PTAFR: variants seen among roughly 807,000 people sequenced by gnomAD.
The protein encoded by PTAFR is platelet activating factor receptor, also known as platelet-activating factor receptor.
In PTAFR, 8 loss-of-function variants were observed where a neutral mutation model predicts 14.7. That is an observed-to-expected ratio of 0.54 (90% CI 0.32 to 0.98). PTAFR has a LOEUF of 0.98. Ranked by LOEUF, PTAFR falls within the 50% of genes least tolerant of loss-of-function variation. The probability of loss-of-function intolerance (pLI) is 0.04; values close to 1 mark genes in which losing one functional copy is unlikely to be tolerated. For synonymous variants in PTAFR, 156 were observed against 176.5 expected, an observed-to-expected ratio of 0.88 and a Z score of 0.92; for missense variants, 337 against 451.2, an observed-to-expected ratio of 0.75 and a Z score of 2.29.
upstream of PTAFR, among the ~76,000 whole-genome samples, chr1:28,180,893 A>T (rs542096245): frequency 6.6e-6 from 1 of 152,286 alleles, no homozygotes; most frequent in African/African-American, 2.4e-5. Flanking sequence ...AAGAAAAAAG[A>T]AAGGAAGAGG....
At chr1:28,154,109 G>C (rs61786978) in intron 1 of PTAFR, among the ~76,000 whole-genome samples, 1 of 147,054 alleles carries the variant, frequency 6.8e-6, no homozygotes, top group Non-Finnish European at 1.5e-5. Context: ...AAAAAAAAGG[G>C]AGTGAGACAC....
intron 1 of PTAFR, among the ~76,000 whole-genome samples, chr1:28,192,558 CAAAA>C (rs375926757): frequency 5.3e-5 from 3 of 56,334 alleles, no homozygotes; most frequent in Non-Finnish European, 8.5e-5. Context: ...AACTCCGTCT[CAAAA>C]AAAAAAAAAA....
chr1:28,182,152 A>G (rs1019328727), intron 1 of PTAFR, among the ~76,000 whole-genome samples: 1 of 152,088 alleles, frequency 6.6e-6, no homozygotes, highest in Non-Finnish European at 1.5e-5. Context: ...CCTGGCCAAC[A>G]TGGTGAAACC....
chr1:28,155,653 C>T (rs1192491406), intron 1 of PTAFR, among the ~76,000 whole-genome samples: 2 of 152,032 alleles, frequency 1.3e-5, no homozygotes, highest in Non-Finnish European at 2.9e-5. Flanking sequence ...TTGCTGGAGC[C>T]CAGGGGTTTG....
chr1:28,186,697 G>A (rs1377839864), intron 1 of PTAFR, among the ~76,000 whole-genome samples: 1 of 152,172 alleles, frequency 6.6e-6, no homozygotes, highest in Admixed American at 6.5e-5. Flanking sequence ...GGCTGAGGCA[G>A]GCGGGTCGCC....
chr1:28,152,049 A>C (rs1646195678), intron 1 of PTAFR, among the ~76,000 whole-genome samples: 1 of 151,876 alleles, frequency 6.6e-6, no homozygotes, highest in Admixed American at 6.6e-5. Context: ...TGCGTGTGAC[A>C]CCACACCTAG....
chr1:28,171,459 T>C (rs1646453762), intron 1 of PTAFR, among the ~76,000 whole-genome samples: 1 of 152,132 alleles, frequency 6.6e-6, no homozygotes, highest in Non-Finnish European at 1.5e-5. Flanking sequence ...TTGATATTTG[T>C]GCCCTGACCT....
chr1:28,173,992 G>A (rs577940241), intron 1 of PTAFR, among the ~76,000 whole-genome samples: 115 of 152,232 alleles, frequency 7.6e-4, no homozygotes, highest in South Asian at 1.2e-3. Flanking sequence ...ATGCAGCCCG[G>A]ATATGCTCCC....
intron 1 of PTAFR, among the ~76,000 whole-genome samples, chr1:28,171,543 G>C (rs969690388): frequency 1.3e-5 from 2 of 152,106 alleles, no homozygotes; most frequent in Non-Finnish European, 2.9e-5. Flanking sequence ...AGATGCAGAA[G>C]GATTTGAGCG....
rs1270862519 is a variant in PTAFR, at chr1:28,149,760, A to G, written c.*233T>C. ...TTAAGGGACTCAGGATAAAGTCATC[A>G]GTCACAGTTACTGTAGTATGCGCCC... On this transcript the variant is annotated 3_prime_UTR_variant, in exon 2 of 2. Coordinates refer to ENST00000373857, the MANE Select transcript of PTAFR (RefSeq NM_000952.5). 1.9e-5 allele frequency: 10 copies of G among 534,454 alleles called. No homozygotes were observed. The Admixed American group carries it at 3.2e-4, about 17-fold the overall frequency. The allele number at this position is 534,454 out of a possible 1,614,324, so 33.1% of individuals were successfully genotyped here. A position where few individuals can be genotyped will look rare whatever the true frequency, so the allele number is the denominator to read the frequency against.
intron 1 of PTAFR, among the ~76,000 whole-genome samples, chr1:28,172,998 AG>A (rs1646467991): frequency 1.3e-5 from 2 of 149,460 alleles, no homozygotes; most frequent in East Asian, 4.0e-4. Context: ...GGCTGGGTGC[AG>A]TGGCTCACGC....
At chr1:28,192,909 G>C (rs773106821) in intron 1 of PTAFR, among the ~76,000 whole-genome samples, 1 of 152,148 alleles carries the variant, frequency 6.6e-6, no homozygotes, top group Non-Finnish European at 1.5e-5. Context: ...TTTATTATCA[G>C]TGTGCTCTAA....
intron 1 of PTAFR, among the ~76,000 whole-genome samples, chr1:28,167,088 C>T (rs933179413): frequency 6.6e-6 from 1 of 152,090 alleles, no homozygotes; most frequent in Non-Finnish European, 1.5e-5. Flanking sequence ...GCACAGGCAA[C>T]GAAAGCACAA....
At chr1:28,180,890 AAG>A (rs1229382602), upstream of PTAFR, among the ~76,000 whole-genome samples, 1 of 152,174 alleles carries the variant, frequency 6.6e-6, no homozygotes, top group African/African-American at 2.4e-5. Context: ...ATGAAGAAAA[AAG>A]AAAGGAAGAG....
At position 28,150,508 on chromosome 1, in the gene PTAFR, G is replaced by A. The variant is rs749761557; in HGVS notation, c.514C>T (p.Arg172Cys). 2.5e-6 allele frequency: 4 copies of A among 1,614,224 alleles called. No homozygotes were observed. The highest frequency in any genetic ancestry group is 1.7e-5 in the Admixed American group (1 of 60,028). The part of the protein sequence containing the change: ...PDSAGSGNVT[R>C]CFEHYEKGSV... ...CCCTTCTCGTAATGCTCAAAGCAGCGAGTGACGTTGCCTGAGCCAGCACTG... is the reference window on the plus strand; with the variant it reads ...CCCTTCTCGTAATGCTCAAAGCAGCAAGTGACGTTGCCTGAGCCAGCACTG... Residue 172 changes from arginine to cysteine, a missense_variant, in exon 2 of 2, where the codon CGC (arginine) becomes TGC (cysteine). Transcript: ENST00000373857. The surrounding 1 kb of genome is among the most constrained non-coding windows in gnomAD (Gnocchi z 6.3).
chr1:28,171,915 A>G (rs960061749), intron 1 of PTAFR, among the ~76,000 whole-genome samples: 1 of 152,064 alleles, frequency 6.6e-6, no homozygotes, highest in African/African-American at 2.4e-5. Context: ...TTTTGCTTCC[A>G]GGACAGGGCC....
At chr1:28,163,916 C>T (rs1023336662) in intron 1 of PTAFR, among the ~76,000 whole-genome samples, 6 of 152,244 alleles carry the variant, frequency 3.9e-5, no homozygotes, top group African/African-American at 1.4e-4. Flanking sequence ...CACATGGGCA[C>T]AGTTCCCTGA....
chr1:28,166,074 A>G (rs1462917765), intron 1 of PTAFR, among the ~76,000 whole-genome samples: 1 of 152,236 alleles, frequency 6.6e-6, no homozygotes, highest in Non-Finnish European at 1.5e-5. Flanking sequence ...CAAAGCTACA[A>G]TAATCAAAAT....
intron 1 of PTAFR, among the ~76,000 whole-genome samples, chr1:28,164,468 T>C (rs1646360445): frequency 6.6e-6 from 1 of 152,066 alleles, no homozygotes; most frequent in Non-Finnish European, 1.5e-5. Context: ...CCTTGCTCTG[T>C]GGGGATCATG....
Sources: gnomAD v4.1 joint callset for allele counts (sites outside exome capture counted in the v4.1 genomes callset) on GRCh38, gnomAD v4.1.1 for gene constraint, Gnocchi (gnomAD v3.1) non-coding constraint, MANE v1.5 for transcripts, NCBI Gene and HGNC (gene_info 2026-07-23, HGNC 2026-07-21) for gene names.